SETX: variants seen among roughly 807,000 people sequenced by gnomAD.
The protein encoded by SETX is helicase senataxin.
In SETX, 90 loss-of-function variants were observed where a neutral mutation model predicts 227.2. The observed-to-expected ratio is 0.40, with a 90% CI of 0.33 to 0.47. The LOEUF is 0.47. Ranked by LOEUF, SETX falls within the 20% of genes least tolerant of loss-of-function variation. SETX has a pLI of 0.91. For missense variants in SETX, 3,052 were observed against 3,181.5 expected (o/e 0.96, Z 0.98); for synonymous variants, 1,210 against 1,113.2 (o/e 1.09, Z -1.73).
At chr9:132,278,331 C>T (rs775554992) in intron 20 of SETX, 74 bp from the exon 21 acceptor site, 85 of 1,454,502 alleles carry the variant, frequency 5.8e-5, no homozygotes, top group Non-Finnish European at 7.9e-5. Flanking sequence ...AACACAATTA[C>T]TGAGATCTAA....
At chr9:132,321,983 A>G (rs562953981) in intron 10 of SETX, among the ~76,000 whole-genome samples, 61 of 152,230 alleles carry the variant, frequency 4.0e-4, no homozygotes, top group Admixed American at 1.2e-3. Flanking sequence ...TTTTATATAT[A>G]TAACAAAATA....
At position 132,264,292 on chromosome 9, in the gene SETX, T is replaced by C; in HGVS notation, c.7981A>G (p.Lys2661Glu). 1.2e-6 allele frequency: 2 copies of C among 1,614,218 alleles called. No homozygotes were observed. Among genetic ancestry groups the C allele is most frequent in the South Asian group, 1.1e-5 (1 of 91,088 alleles). ...HHTRRNSRWD[K>E]RTLEQEDSSS... ...CTGTCCTCCTGCTCCAGTGTCCTCT[T>C]GTCCCACCTAGAGTTCCTCCTGGTG... The change falls in exon 26 of 26, where the codon AAG becomes GAG. Residue 2661 changes from lysine to glutamate, a missense_variant. By Grantham distance (56) the Lys-to-Glu change is moderately conservative. Transcript: ENST00000224140.
chr9:132,338,609 T>C (rs563751323), intron 5 of SETX, among the ~76,000 whole-genome samples: 2 of 152,310 alleles, frequency 1.3e-5, no homozygotes, highest in East Asian at 3.9e-4. Flanking sequence ...TGGTATATCA[T>C]TGTGGTCTTA....
intron 7 of SETX, among the ~76,000 whole-genome samples, chr9:132,333,216 T>C (rs1184046372): frequency 6.7e-6 from 1 of 150,326 alleles, no homozygotes; most frequent in African/African-American, 2.4e-5. Flanking sequence ...CCATCTCTAC[T>C]AAAAATACAA....
chr9:132,356,455 A>C (rs1848917721), upstream of SETX, among the ~76,000 whole-genome samples: 3 of 149,858 alleles, frequency 2.0e-5, no homozygotes, highest in Non-Finnish European at 3.0e-5. Flanking sequence ...CCCCGCCTCG[A>C]CCTCCCAAAG....
intron 3 of SETX, among the ~76,000 whole-genome samples, chr9:132,348,629 T>C (rs954028478): frequency 1.3e-5 from 2 of 152,156 alleles, no homozygotes; most frequent in Admixed American, 6.6e-5. Context: ...ACTTGACTTA[T>C]ATTAGCCTTC....
In SETX at chr9:132,330,243, T is replaced by A; in HGVS notation, c.1355A>T (p.Asp452Val). The A allele has an allele frequency of 6.4e-7, 1 of 1,574,274 alleles. No homozygotes were observed. Among genetic ancestry groups the A allele is most frequent in the South Asian group, 1.2e-5 (1 of 84,104 alleles). The change falls in exon 10 of 26, where the codon GAC becomes GTC. Residue 452 changes from aspartate (D) to valine (V), a missense_variant. Physicochemically the swap from Asp to Val is radical, Grantham distance 152 (BLOSUM62 -3). Around this residue, in one of 10 missense-constraint regions of SETX, gnomAD observed 179 missense variants for 197.1 expected, o/e 0.91. Coordinates refer to ENST00000224140, the MANE Select transcript of SETX (RefSeq NM_015046.7). ...EVLNQTDAVCDKVTEFFLLIL... is the reference protein window; with the variant it reads ...EVLNQTDAVCVKVTEFFLLIL... ...TAGAAGAAAAAATTCAGTGACTTTGTCACACACAGCATCTGTTTGGTTGAG... is the reference window on the plus strand; with the variant it reads ...TAGAAGAAAAAATTCAGTGACTTTGACACACACAGCATCTGTTTGGTTGAG...
Position 132,326,371 on chromosome 9 carries a change from A to T in SETX, c.5227T>A (p.Tyr1743Asn). ...ATCAAAGGGAAAAAAACATTAAAAT[A>T]ATCTCCATAATTGTGAAATCTGACA... ...VPVRFHNYGD[Y>N]FNVFFPLMVL... The change falls in exon 10 of 26, where the codon TAT becomes AAT. Residue 1743 changes from tyrosine (Y) to asparagine (N), a missense_variant. Physicochemically the swap from Tyr to Asn is moderately radical, Grantham distance 143. This residue lies in a region of SETX where 239 missense variants were observed against 272.1 expected (regional missense o/e 0.88). Coordinates refer to ENST00000224140, the MANE Select transcript of SETX (RefSeq NM_015046.7). 1 of 1,613,906 alleles carries T rather than the reference A, an allele frequency of 6.2e-7. No individual in the cohort carries two copies. Among genetic ancestry groups the T allele is most frequent in the Non-Finnish European group, 8.5e-7 (1 of 1,179,802 alleles).
chr9:132,283,461 G>GA, intron 18 of SETX, 48 bp from the exon 19 acceptor site: 1 of 1,602,156 alleles, frequency 6.2e-7, no homozygotes, highest in Admixed American at 1.7e-5. Context: ...ATCAATCCTT[G>GA]ACTATGACAG....
In SETX at chr9:132,326,707, T is replaced by TC. The variant is rs757883779; in HGVS notation, c.4890dup (p.Ile1631AspfsTer21). 8 of 1,614,086 alleles carry TC rather than the reference T, an allele frequency of 5.0e-6. No individual in the cohort carries two copies. The highest frequency in any genetic ancestry group is 1.3e-5 in the African/African-American group (1 of 74,930). Reference sequence around the variant, plus strand: ...TGTGGTACTTTCAAAATCGACTGTATCCCCTTTGACTTATTTTTTAGAGAC... The same window carrying TC: ...TGTGGTACTTTCAAAATCGACTGTATCCCCCTTTGACTTATTTTTTAGAGAC... On this transcript the variant is annotated frameshift_variant, in exon 10 of 26. Transcript: ENST00000224140. LOFTEE classifies it high-confidence loss of function.
chr9:132,319,618 C>A (rs1846203276), intron 10 of SETX, among the ~76,000 whole-genome samples: 1 of 152,204 alleles, frequency 6.6e-6, no homozygotes. Context: ...ACCTCCTGAA[C>A]AATACTTTCT....
At chr9:132,338,515 A>C (rs1054303663) in intron 5 of SETX, among the ~76,000 whole-genome samples, 1 of 152,138 alleles carries the variant, frequency 6.6e-6, no homozygotes, top group Non-Finnish European at 1.5e-5. Flanking sequence ...GCTAAATAAG[A>C]CCTTTTACCA....
intron 18 of SETX, among the ~76,000 whole-genome samples, chr9:132,286,119 G>T (rs1843867133): frequency 6.7e-6 from 1 of 150,090 alleles, no homozygotes; most frequent in African/African-American, 2.5e-5. Context: ...GGAGGCAGAG[G>T]TTGCAGTGAG....
intron 14 of SETX, 150 bp from the exon 15 acceptor site, chr9:132,296,178 A>G: frequency 1.0e-6 from 1 of 988,384 alleles, no homozygotes; most frequent in Non-Finnish European, 1.5e-6. Context: ...TACATCTAAC[A>G]CTGATATTTA....
chr9:132,291,622 G>A (rs756223536), intron 15 of SETX, among the ~76,000 whole-genome samples: 2 of 152,100 alleles, frequency 1.3e-5, no homozygotes, highest in African/African-American at 2.4e-5. Context: ...GAAATCCCTA[G>A]AGGCCAAAAA....
intron 15 of SETX, among the ~76,000 whole-genome samples, chr9:132,295,385 A>C (rs1454052404): frequency 1.3e-5 from 2 of 152,184 alleles, no homozygotes; most frequent in Non-Finnish European, 2.9e-5. Flanking sequence ...GCTTACTCAA[A>C]GCCTCATCTT....
At chr9:132,355,725 G>A (rs911546118), upstream of SETX, among the ~76,000 whole-genome samples, 8 of 152,110 alleles carry the variant, frequency 5.3e-5, no homozygotes, top group Admixed American at 2.0e-4. Flanking sequence ...GGTGGCTCAC[G>A]CCTGTAATCC....
At chr9:132,276,903 T>C (rs1034272224) in intron 22 of SETX, among the ~76,000 whole-genome samples, 157 bp downstream of exon 22, 2 of 152,172 alleles carry the variant, frequency 1.3e-5, no homozygotes, top group Non-Finnish European at 2.9e-5. Context: ...ATTATCCCCA[T>C]TATACAGAAA....
In SETX at chr9:132,329,368, T is replaced by C. The variant is rs1338496764; in HGVS notation, c.2230A>G (p.Thr744Ala). ...GTGCTAGAATCAGTCAACAAACGTG[T>C]TGATACTATTATTCCTCTGTCACAT... ...RGCDRGIIVS[T>A]RLLTDSSTDA... Residue 744 changes from threonine to alanine, a missense_variant, in exon 10 of 26, where the codon ACA (threonine) becomes GCA (alanine). Coordinates refer to ENST00000224140, the MANE Select transcript of SETX (RefSeq NM_015046.7). 3 of 1,613,902 alleles carry C rather than the reference T, an allele frequency of 1.9e-6. No individual in the cohort carries two copies. Among genetic ancestry groups the C allele is most frequent in the Non-Finnish European group, 2.5e-6 (3 of 1,179,988 alleles).
Sources: gnomAD v4.1 joint callset for allele counts (sites outside exome capture counted in the v4.1 genomes callset) on GRCh38, gnomAD v4.1.1 for gene constraint, gnomAD v4.1.1 regional missense constraint, MANE v1.5 for transcripts, NCBI Gene and HGNC (gene_info 2026-07-23, HGNC 2026-07-21) for gene names.